PRH1: variants seen among roughly 807,000 people sequenced by gnomAD.
PRH1 encodes proline rich protein HaeIII subfamily 1.
A neutral mutation model predicts 7.9 loss-of-function variants in PRH1; 7 were observed. The observed-to-expected ratio is 0.89, with a 90% CI of 0.50 to 1.67. The LOEUF (loss-of-function observed/expected upper bound fraction) is 1.67. PRH1 is among the 40% of genes most tolerant of loss of function. The pLI is 0.00. For synonymous variants in PRH1, 45 were observed against 80.8 expected (o/e 0.56, Z 2.38); for missense variants, 109 against 223.6 (o/e 0.49, Z 3.27).
intron 1 of PRH1, among the ~76,000 whole-genome samples, chr12:11,072,231 C>A (rs1181089477): frequency 6.6e-6 from 1 of 152,130 alleles, no homozygotes; most frequent in Admixed American, 6.5e-5. Context: ...AATAGATATT[C>A]CCAACTGTGC....
rs189385943 is a variant in PRH1 at position 10,922,922 on chromosome 12, G to T, written c.-58-38647C>A. ...CGGCTCACTGCAAGCTCCGCTTCCC[G>T]GGTTCACGCCATTCTCCTGCCTCAG... On this transcript the variant is annotated intron_variant, in intron 2 of 3. Coordinates refer to the PRH1 transcript ENST00000539853. 3.2e-3 allele frequency among the ~76,000 whole-genome samples: 447 copies of T among 139,320 alleles called. 1 individual carries two copies. Among genetic ancestry groups the T allele is most frequent in the Non-Finnish European group, 5.6e-3 (363 of 65,228 alleles). 91.4% of individuals were successfully genotyped at this position (139,320 alleles called of 152,430 possible). A position where few individuals can be genotyped will look rare whatever the true frequency, so the allele number is the denominator to read the frequency against.
intron 1 of PRH1, chr12:10,997,837 T>C (rs935349333): frequency 6.2e-7 from 1 of 1,603,874 alleles, no homozygotes; most frequent in Non-Finnish European, 8.5e-7. Flanking sequence ...ATGCAACCAC[T>C]ACTAGAATGG....
At chr12:11,046,759 G>C (rs1299913373) in intron 1 of PRH1, among the ~76,000 whole-genome samples, 1 of 152,042 alleles carries the variant, frequency 6.6e-6, no homozygotes, top group Non-Finnish European at 1.5e-5. Context: ...AGAAAAAAAT[G>C]TTGTATGTAT....
intron 1 of PRH1, among the ~76,000 whole-genome samples, chr12:11,141,555 G>C (rs1946704815): frequency 1.3e-5 from 2 of 152,088 alleles, no homozygotes; most frequent in African/African-American, 4.8e-5. Flanking sequence ...GCTTCATATA[G>C]GTATGCTCCA....
At chr12:11,126,177 CAG>C (rs1356925613) in intron 1 of PRH1, among the ~76,000 whole-genome samples, 1 of 152,278 alleles carries the variant, frequency 6.6e-6, no homozygotes, top group African/African-American at 2.4e-5. Flanking sequence ...ACCAGCAATC[CAG>C]ACACTCCCCA....
chr12:11,137,592 G>T (rs1290114285), intron 1 of PRH1, among the ~76,000 whole-genome samples: 1 of 152,044 alleles, frequency 6.6e-6, no homozygotes. Context: ...AATCTAAATT[G>T]TTTCCATAGT....
At position 11,085,595 on chromosome 12, in the gene PRH1, C is replaced by T. The variant is rs914144474; in HGVS notation, n.124-38407G>A. ...TGACTAATGTCAAAACGGAAAGCAC[C>T]GGGGCATGCTATTGAATGAGTTCAG... On this transcript the variant is annotated intron_variant and non_coding_transcript_variant, in intron 1 of 4. Coordinates refer to the PRH1 transcript ENST00000541977. 1.7e-5 allele frequency among the ~76,000 whole-genome samples: 2 copies of T among 115,112 alleles called. 1 individual carries two copies. Among genetic ancestry groups the T allele is most frequent in the Non-Finnish European group, 4.1e-5 (2 of 48,814 alleles). The allele number at this position is 115,112 out of a possible 152,430, so 75.5% of individuals were successfully genotyped here. A position where few individuals can be genotyped will look rare whatever the true frequency, so the allele number is the denominator to read the frequency against.
At chr12:11,106,597 T>C (rs1434638169) in intron 1 of PRH1, among the ~76,000 whole-genome samples, 2 of 152,220 alleles carry the variant, frequency 1.3e-5, no homozygotes, top group East Asian at 1.9e-4. Flanking sequence ...ATATGAATAT[T>C]TGGTTTTATT....
At chr12:11,139,030 A>C (rs1233424715) in intron 1 of PRH1, among the ~76,000 whole-genome samples, 1 of 152,204 alleles carries the variant, frequency 6.6e-6, no homozygotes, top group Non-Finnish European at 1.5e-5. Flanking sequence ...ACAGAGCAAG[A>C]CCCTGTCTCA....
At chr12:11,001,003 CTTTG>C (rs1234312846) in intron 1 of PRH1, among the ~76,000 whole-genome samples, 4 of 133,146 alleles carry the variant, frequency 3.0e-5, no homozygotes, top group East Asian at 4.3e-4. Context: ...AGTTGGTTGG[CTTTG>C]TTTTTTTGTT....
At chr12:10,887,034 C>T (rs148566058), upstream of PRH1, among the ~76,000 whole-genome samples, 5 of 152,344 alleles carry the variant, frequency 3.3e-5, no homozygotes, top group East Asian at 9.6e-4. Context: ...CACATTTGTG[C>T]TTCAAATCTC....
chr12:11,121,228 T>C (rs1456431014), intron 1 of PRH1: 2 of 152,290 alleles, frequency 1.3e-5, no homozygotes, highest in African/African-American at 4.8e-5. Context: ...CTGAGGATCC[T>C]CAGCTCACTG....
chr12:10,892,075 A>G (rs1484619802), intron 2 of PRH1: 1 of 152,160 alleles, frequency 6.6e-6, no homozygotes, highest in African/African-American at 2.4e-5. Flanking sequence ...ACAAAACGTA[A>G]AAAGGCATTC....
chr12:11,056,879 A>C (rs1157745227), intron 1 of PRH1, among the ~76,000 whole-genome samples: 1 of 152,242 alleles, frequency 6.6e-6, no homozygotes, highest in Non-Finnish European at 1.5e-5. Context: ...TTTTCTTATG[A>C]GTTAACATAC....
intron 1 of PRH1, among the ~76,000 whole-genome samples, chr12:11,124,294 G>A (rs1946025042): frequency 6.6e-6 from 1 of 152,280 alleles, no homozygotes; most frequent in Non-Finnish European, 1.5e-5. Flanking sequence ...TGTAGAAATG[G>A]GGCTCTGTGC....
intron 1 of PRH1, among the ~76,000 whole-genome samples, chr12:11,084,761 A>C (rs1166635315): frequency 1.4e-5 from 2 of 142,162 alleles, no homozygotes; most frequent in African/African-American, 2.5e-5. Context: ...TTTATTAATA[A>C]TGAATTACAT....
At chr12:10,915,484 A>T (rs1281079406) in intron 2 of PRH1, among the ~76,000 whole-genome samples, 1 of 109,236 alleles carries the variant, frequency 9.2e-6, no homozygotes, top group African/African-American at 2.5e-5. Flanking sequence ...TAGACTAAAA[A>T]ATTGAGTTTC....
chr12:11,170,014 G>C (rs1947767300), intron 1 of PRH1, among the ~76,000 whole-genome samples: 1 of 152,156 alleles, frequency 6.6e-6, no homozygotes, highest in South Asian at 2.1e-4. Flanking sequence ...GCAGTGCACG[G>C]TGCGATGTGT....
chr12:10,950,973 C>T (rs1245334255), intron 2 of PRH1, among the ~76,000 whole-genome samples: 1 of 152,118 alleles, frequency 6.6e-6, no homozygotes, highest in Non-Finnish European at 1.5e-5. Context: ...TCTCTGCGAT[C>T]CTGATTTCTG....
Sources: gnomAD v4.1 joint callset for allele counts (sites outside exome capture counted in the v4.1 genomes callset) on GRCh38, gnomAD v4.1.1 for gene constraint, MANE v1.5 for transcripts, NCBI Gene and HGNC (gene_info 2026-07-23, HGNC 2026-07-21) for gene names.